Variants in TTC13 observed in about 807,000 individuals in gnomAD.
The protein encoded by TTC13 is tetratricopeptide repeat domain 13.
A neutral mutation model predicts 120.0 loss-of-function variants in TTC13; 62 were observed. The observed-to-expected ratio is 0.52, with a 90% CI of 0.42 to 0.64. The LOEUF (loss-of-function observed/expected upper bound fraction) is 0.64, where lower values mean the gene tolerates loss of function less well. Among genes scored for constraint, TTC13 ranks in the 30% least tolerant of loss-of-function variants. The pLI, the probability that TTC13 is intolerant of heterozygous loss-of-function variation, is 0.00. For synonymous variants in TTC13, 384 were observed against 393.5 expected (o/e 0.98, Z 0.28); for missense variants, 824 against 1,050.2 (o/e 0.78, Z 2.98).
chr1:230,977,541 C>T (rs1194663302), intron 1 of TTC13, among the ~76,000 whole-genome samples: 1 of 151,906 alleles, frequency 6.6e-6, no homozygotes, highest in African/African-American at 2.4e-5. Context: ...TCAGACTGTA[C>T]TAAAAGGAAA....
intron 4 of TTC13, 128 bp downstream of exon 4, chr1:230,954,205 A>C: frequency 1.5e-6 from 1 of 650,612 alleles, no homozygotes; most frequent in South Asian, 2.1e-5. Context: ...TGCTCAGTCC[A>C]TACCAATTTC....
intron 8 of TTC13, chr1:230,936,117 A>G (rs1386150031): frequency 2.2e-6 from 1 of 453,258 alleles, no homozygotes; most frequent in Non-Finnish European, 4.4e-6. Flanking sequence ...GCTTGTGGAC[A>G]GCTAGGTGGA....
chr1:230,918,825 T>A (rs907269345), intron 17 of TTC13, among the ~76,000 whole-genome samples: 1 of 152,226 alleles, frequency 6.6e-6, no homozygotes, highest in Non-Finnish European at 1.5e-5. Flanking sequence ...TAGAAATAGA[T>A]ACACTTTGCT....
At chr1:230,923,743 C>T (rs1672800716) in intron 15 of TTC13, 98 bp downstream of exon 15, 1 of 989,468 alleles carries the variant, frequency 1.0e-6, no homozygotes, top group Non-Finnish European at 1.5e-6. Flanking sequence ...GTCAAAAAGT[C>T]ACCAGGAAAG....
At chr1:230,952,795 T>C (rs916801290) in intron 4 of TTC13, among the ~76,000 whole-genome samples, 2 of 152,192 alleles carry the variant, frequency 1.3e-5, no homozygotes, top group African/African-American at 4.8e-5. Flanking sequence ...ATATTCAGAT[T>C]ATAAAACAAA....
At chr1:230,954,484 T>C in intron 3 of TTC13, 81 bp from the exon 4 acceptor site, 1 of 1,118,918 alleles carries the variant, frequency 8.9e-7, no homozygotes, top group Non-Finnish European at 1.3e-6. Flanking sequence ...CTTTGGTAAA[T>C]CTCCAAAGGC....
At chr1:230,918,801 T>C (rs1470310824) in intron 17 of TTC13, among the ~76,000 whole-genome samples, 1 of 152,230 alleles carries the variant, frequency 6.6e-6, no homozygotes, top group Non-Finnish European at 1.5e-5. Flanking sequence ...ACATGCTACT[T>C]CCTTGCTATT....
In TTC13 at chr1:230,942,721, T is replaced by A. The variant is rs555700839; in HGVS notation, c.672+1085A>T. Among the ~76,000 whole-genome samples, 1 of 152,304 alleles carries A rather than the reference T, an allele frequency of 6.6e-6. No individual in the cohort carries two copies. Among genetic ancestry groups the A allele is most frequent in the South Asian group, 2.1e-4 (1 of 4,824 alleles). ...GAAAGTAAAACAAACACATTTCACT[T>A]AAAAACATAAAACAGAATGCCTTTG... On this transcript the variant is annotated intron_variant, in intron 6 of 22. Transcript: ENST00000366661. This position sits in a 1 kb window ranked among gnomAD's most constrained non-coding sequence, Gnocchi z 4.0.
At chr1:230,909,635 C>T (rs914804394) in intron 20 of TTC13, among the ~76,000 whole-genome samples, 1 of 152,196 alleles carries the variant, frequency 6.6e-6, no homozygotes, top group Non-Finnish European at 1.5e-5. Flanking sequence ...TTCATAAATA[C>T]AAATACATAT....
At position 230,906,868 on chromosome 1, in the gene TTC13, G is replaced by T; in HGVS notation, c.*37C>A. On this transcript the variant is annotated 3_prime_UTR_variant, in exon 23 of 23. Coordinates refer to ENST00000366661, the MANE Select transcript of TTC13 (RefSeq NM_024525.5). Reference sequence around the variant, plus strand: ...TTAAAAAATAACTTAAGAAGCAAGAGGTCCGGCCCTTTACTTGTATAAATA... The same window carrying T: ...TTAAAAAATAACTTAAGAAGCAAGATGTCCGGCCCTTTACTTGTATAAATA... The T allele has an allele frequency of 9.8e-7, 1 of 1,020,904 alleles. No individual in the cohort carries two copies. The highest frequency in any genetic ancestry group is 1.4e-6 in the Non-Finnish European group (1 of 729,600). 63.2% of individuals were successfully genotyped at this position (1,020,904 alleles called of 1,614,324 possible). A position where few individuals can be genotyped will look rare whatever the true frequency, so the allele number is the denominator to read the frequency against.
Position 230,920,593 on chromosome 1 carries a change from C to T in TTC13, c.1900G>A (p.Ala634Thr). The T allele has an allele frequency of 3.2e-6, 5 of 1,565,382 alleles. No homozygotes were observed. Among genetic ancestry groups the T allele is most frequent in the Non-Finnish European group, 4.3e-6 (5 of 1,157,976 alleles). The change falls in exon 17 of 23, where the codon GCT (alanine) becomes ACT (threonine). Residue 634 changes from alanine (A) to threonine (T), a missense_variant and splice_region_variant. Coordinates refer to ENST00000366661, the MANE Select transcript of TTC13 (RefSeq NM_024525.5). Reference sequence around the variant, plus strand: ...TCCAGCAATCCTTTAGGATTATTAGCTCTTAAAGAGAGACAGAGAGAGATG... The same window carrying T: ...TCCAGCAATCCTTTAGGATTATTAGTTCTTAAAGAGAGACAGAGAGAGATG... ...IKDRILVYHGANNPKGLLEVR... is the reference protein window; with the variant it reads ...IKDRILVYHGTNNPKGLLEVR...
chr1:230,958,239 T>C lies in TTC13; in HGVS notation c.427A>G (p.Thr143Ala). 1 of 1,612,904 alleles carries C rather than the reference T, an allele frequency of 6.2e-7. No homozygotes were observed. Among genetic ancestry groups the C allele is most frequent in the Non-Finnish European group, 8.5e-7 (1 of 1,179,860 alleles). The change falls in exon 3 of 23, where the codon ACA becomes GCA. Residue 143 changes from threonine to alanine, a missense_variant. Coordinates refer to ENST00000366661, the MANE Select transcript of TTC13 (RefSeq NM_024525.5). Reference protein sequence around the residue: ...RFPFATDNDSTNEELAIAYVL... With the variant: ...RFPFATDNDSANEELAIAYVL... ...CAAGTCTTACCTAACTCTTCATTTG[T>C]GCTGTCATTATCAGTGGCAAACGGG...
intron 9 of TTC13, among the ~76,000 whole-genome samples, chr1:230,932,648 T>C (rs1285459446): frequency 6.6e-6 from 1 of 152,236 alleles, no homozygotes; most frequent in African/African-American, 2.4e-5. Flanking sequence ...TTTCAATTTA[T>C]ATTCAATAAT....
At chr1:230,941,770 G>T (rs990248589) in intron 6 of TTC13, among the ~76,000 whole-genome samples, 1 of 152,172 alleles carries the variant, frequency 6.6e-6, no homozygotes, top group African/African-American at 2.4e-5. Context: ...AATTCAAAAA[G>T]CACAGTGGGC....
chr1:230,937,565 A>C (rs1314181790), intron 8 of TTC13, among the ~76,000 whole-genome samples: 1 of 152,248 alleles, frequency 6.6e-6, no homozygotes, highest in Non-Finnish European at 1.5e-5. Flanking sequence ...TGCGGCTGCC[A>C]GTCTGAATCC....
At chr1:230,964,902 T>A (rs1285926515) in intron 1 of TTC13, among the ~76,000 whole-genome samples, 1 of 152,174 alleles carries the variant, frequency 6.6e-6, no homozygotes, top group Admixed American at 6.5e-5. Flanking sequence ...CAATAAATGG[T>A]GCTGGGAAAA....
At chr1:230,950,456 C>T (rs1437912475) in intron 4 of TTC13, among the ~76,000 whole-genome samples, 3 of 151,976 alleles carry the variant, frequency 2.0e-5, no homozygotes. Context: ...ATATATTATC[C>T]TCATTTCATT....
At chr1:230,971,111 C>T (rs1030668525) in intron 1 of TTC13, among the ~76,000 whole-genome samples, 18 of 151,806 alleles carry the variant, frequency 1.2e-4, no homozygotes, top group Non-Finnish European at 2.4e-4. Context: ...TTTGGGAGGC[C>T]GAGGCAGGCG....
At chr1:230,929,141 A>T in intron 11 of TTC13, 48 bp from the exon 12 acceptor site, 1 of 1,565,072 alleles carries the variant, frequency 6.4e-7, no homozygotes, top group South Asian at 1.2e-5. Context: ...TGCTAAAGAA[A>T]CTTTCTTATG....
Sources: allele counts gnomAD v4.1 joint callset (sites outside exome capture counted in the v4.1 genomes callset), GRCh38; gene constraint gnomAD v4.1.1; non-coding constraint Gnocchi (gnomAD v3.1); transcripts MANE v1.5; gene names NCBI Gene and HGNC (gene_info 2026-07-23, HGNC 2026-07-21).